The following JMJD1C variants were observed in gnomAD, a reference collection of about 807,000 sequenced individuals.
JMJD1C encodes the protein jumonji domain-containing protein 1C.
A neutral mutation model predicts 245.3 loss-of-function variants in JMJD1C; 31 were observed. That is an observed-to-expected ratio of 0.13 (90% CI 0.09 to 0.17). JMJD1C has a LOEUF of 0.17. Ranked by LOEUF, JMJD1C falls within the 10% of genes least tolerant of loss-of-function variation. The pLI is 1.00. For synonymous variants in JMJD1C, 1,057 were observed against 1,017.4 expected (o/e 1.04, Z -0.74); for missense variants, 2,691 against 3,000.2 (o/e 0.90, Z 2.41).
chr10:63,179,892 T>G (rs540589145), intron 22 of JMJD1C, among the ~76,000 whole-genome samples: 2 of 152,364 alleles, frequency 1.3e-5, no homozygotes, highest in Admixed American at 1.3e-4. Context: ...TGTATAAACT[T>G]TTTAAAGAAA....
chr10:63,299,284 C>T (rs10822154), intron 2 of JMJD1C, among the ~76,000 whole-genome samples: 100,772 of 151,610 alleles, frequency 0.66, 36,112 homozygotes, highest in Non-Finnish European at 0.81. Context: ...TGGGTTCAAG[C>T]GATTCTCGCC....
intron 2 of JMJD1C, among the ~76,000 whole-genome samples, chr10:63,327,945 C>T (rs1589489716): frequency 6.6e-6 from 1 of 152,120 alleles, no homozygotes; most frequent in African/African-American, 2.4e-5. Context: ...ACTGGGATTA[C>T]AGGTGTGAGC....
intron 1 of JMJD1C, among the ~76,000 whole-genome samples, chr10:63,471,223 T>G (rs1192135519): frequency 6.6e-6 from 1 of 152,216 alleles, no homozygotes; most frequent in Non-Finnish European, 1.5e-5. Flanking sequence ...GGTAAAAGTC[T>G]TCTGTTTATA....
intron 1 of JMJD1C, among the ~76,000 whole-genome samples, chr10:63,506,844 T>C (rs1476446804): frequency 6.6e-5 from 10 of 152,220 alleles, no homozygotes; most frequent in Non-Finnish European, 1.5e-4. Context: ...CTTTGACATA[T>C]GTATAATGAC....
rs199695222 is a variant in JMJD1C, at chr10:63,214,677, T to C, written c.1490A>G (p.Glu497Gly). 21 of 1,613,878 alleles carry C rather than the reference T, an allele frequency of 1.3e-5. No homozygotes were observed. The highest frequency in any genetic ancestry group is 1.6e-4 in the Middle Eastern group (1 of 6,082). Residue 497 changes from glutamate (E) to glycine (G), a missense_variant, in exon 8 of 26, where the codon GAG becomes GGG. Glu to Gly is a moderately conservative substitution (Grantham distance 98). Coordinates refer to ENST00000399262, the MANE Select transcript of JMJD1C (RefSeq NM_032776.3). Reference sequence around the variant, plus strand: ...TGTGGGTGGTCTGGATACAAACTTCTCCTTTGGTAGCAATTCCATGGTATG... The same window carrying C: ...TGTGGGTGGTCTGGATACAAACTTCCCCTTTGGTAGCAATTCCATGGTATG... ...KTHTMELLPK[E>G]KFVSRPPTPK...
chr10:63,442,308 G>C (rs968032274), intron 1 of JMJD1C, among the ~76,000 whole-genome samples: 1 of 152,082 alleles, frequency 6.6e-6, no homozygotes, highest in African/African-American at 2.4e-5. Context: ...ATAAATCTAG[G>C]ATACCAGAGA....
chr10:63,293,023 G>A (rs991515759), intron 2 of JMJD1C, among the ~76,000 whole-genome samples: 1 of 152,156 alleles, frequency 6.6e-6, no homozygotes, highest in East Asian at 1.9e-4. Context: ...CAGCCTAGGC[G>A]AGAGTGAGAC....
intron 2 of JMJD1C, among the ~76,000 whole-genome samples, chr10:63,317,548 C>G (rs186956177): frequency 1.3e-5 from 2 of 152,154 alleles, no homozygotes; most frequent in African/African-American, 4.8e-5. Flanking sequence ...CACACACACA[C>G]ACACAATCAT....
chr10:63,361,506 A>C (rs1480028897), intron 2 of JMJD1C, among the ~76,000 whole-genome samples: 4 of 152,180 alleles, frequency 2.6e-5, no homozygotes, highest in Non-Finnish European at 5.9e-5. Context: ...ACTAAAAAGA[A>C]AGAAAAGTCA....
intron 2 of JMJD1C, among the ~76,000 whole-genome samples, chr10:63,319,829 A>G (rs1410843965): frequency 2.0e-5 from 3 of 152,136 alleles, no homozygotes; most frequent in African/African-American, 7.2e-5. Context: ...CAGTGGTGCT[A>G]TCTTGGCTCA....
intron 2 of JMJD1C, among the ~76,000 whole-genome samples, chr10:63,279,121 G>A (rs1046380720): frequency 6.7e-6 from 1 of 149,580 alleles, no homozygotes; most frequent in South Asian, 2.1e-4. Flanking sequence ...GTGTTGGCGG[G>A]CGCCTGTAAT....
intron 2 of JMJD1C, among the ~76,000 whole-genome samples, chr10:63,345,914 A>AT (rs1193117034): frequency 1.3e-5 from 2 of 152,218 alleles, no homozygotes; most frequent in Admixed American, 6.5e-5. Flanking sequence ...AGACAGGGAA[A>AT]AAGGTACATA....
chr10:63,187,062 T>G (rs1276837290), intron 18 of JMJD1C, among the ~76,000 whole-genome samples: 2 of 151,974 alleles, frequency 1.3e-5, no homozygotes, highest in East Asian at 1.9e-4. Context: ...TTATTAGTAT[T>G]CTTAAACTTG....
chr10:63,197,434 G>T lies in JMJD1C; in HGVS notation c.5621C>A (p.Ala1874Glu). 1.9e-6 allele frequency: 3 copies of T among 1,613,324 alleles called. No homozygotes were observed. The highest frequency in any genetic ancestry group is 2.5e-6 in the Non-Finnish European group (3 of 1,179,822). The change falls in exon 13 of 26, where the codon GCA (alanine) becomes GAA (glutamate). Residue 1874 changes from alanine (A) to glutamate (E), a missense_variant. This residue lies in a region of JMJD1C where 139 missense variants were observed against 270.5 expected (regional missense o/e 0.51). Transcript: ENST00000399262. ...GFVVCLDCYK[A>E]KERKSSRDKE... The stretch of plus-strand genomic sequence containing the variant: ...ACCTCTAGAACTCTTCCTTTCCTTT[G>T]CCTTGTAACAATCTAAGCAGACCAC...
At chr10:63,461,556 A>C (rs1412338610) in intron 1 of JMJD1C, among the ~76,000 whole-genome samples, 3 of 152,242 alleles carry the variant, frequency 2.0e-5, no homozygotes, top group African/African-American at 7.2e-5. Flanking sequence ...AATATTATTC[A>C]TATTTAAGAC....
chr10:63,247,264 T>C (rs908552495), intron 3 of JMJD1C, among the ~76,000 whole-genome samples: 2 of 151,660 alleles, frequency 1.3e-5, no homozygotes, highest in East Asian at 1.9e-4. Context: ...AAAAAAGATA[T>C]AGCTGAGACC....
At chr10:63,461,191 G>A (rs1333910750) in intron 1 of JMJD1C, among the ~76,000 whole-genome samples, 1 of 152,080 alleles carries the variant, frequency 6.6e-6, no homozygotes, top group African/African-American at 2.4e-5. Flanking sequence ...TAACAAATTC[G>A]AGTGTGAAAA....
intron 1 of JMJD1C, among the ~76,000 whole-genome samples, chr10:63,502,497 G>A (rs1438301353): frequency 6.6e-6 from 1 of 152,046 alleles, no homozygotes; most frequent in Non-Finnish European, 1.5e-5. Flanking sequence ...AATTAGCCGG[G>A]CATGGTGGCG....
intron 2 of JMJD1C, among the ~76,000 whole-genome samples, chr10:63,372,630 G>A (rs1946401457): frequency 6.6e-6 from 1 of 152,122 alleles, no homozygotes; most frequent in East Asian, 1.9e-4. Context: ...TTCACTAGCT[G>A]GGTTGCAGCA....
Sources: allele counts gnomAD v4.1 joint callset (sites outside exome capture counted in the v4.1 genomes callset), GRCh38; gene constraint gnomAD v4.1.1; regional missense constraint gnomAD v4.1.1; transcripts MANE v1.5; gene names NCBI Gene and HGNC (gene_info 2026-07-23, HGNC 2026-07-21).